Variants in CCDC170 observed in about 807,000 individuals in gnomAD.
CCDC170 encodes the protein coiled-coil domain-containing protein 170.
Under a neutral mutation model 72.6 loss-of-function variants are expected in CCDC170, and 69 were observed. That is an observed-to-expected ratio of 0.95 (90% CI 0.78 to 1.16). The LOEUF is 1.16. Among genes scored for constraint, CCDC170 ranks in the 50% most tolerant of loss-of-function variants. The pLI, the probability that CCDC170 is intolerant of heterozygous loss-of-function variation, is 0.00. For synonymous variants in CCDC170, 300 were observed against 303.9 expected (o/e 0.99, Z 0.13); for missense variants, 852 against 832.5 (o/e 1.02, Z -0.29).
intron 6 of CCDC170, among the ~76,000 whole-genome samples, chr6:151,581,065 T>A (rs1252953718): frequency 1.3e-5 from 2 of 152,212 alleles, no homozygotes; most frequent in African/African-American, 4.8e-5. Context: ...TGGAGGGTTT[T>A]GCTGTAATGT....
chr6:151,554,910 G>A (rs1207749801), intron 5 of CCDC170, among the ~76,000 whole-genome samples: 3 of 113,774 alleles, frequency 2.6e-5, no homozygotes, highest in African/African-American at 3.5e-5. Context: ...ACAGAGTCTC[G>A]CTCTATTGCC....
intron 4 of CCDC170, among the ~76,000 whole-genome samples, chr6:151,547,502 A>T (rs1782794816): frequency 6.6e-6 from 1 of 152,044 alleles, no homozygotes; most frequent in Non-Finnish European, 1.5e-5. Flanking sequence ...AGATCATGCA[A>T]ATGTGAGGAA....
At chr6:151,599,553 C>T (rs1776673290) in intron 9 of CCDC170, among the ~76,000 whole-genome samples, 1 of 152,154 alleles carries the variant, frequency 6.6e-6, no homozygotes, top group Non-Finnish European at 1.5e-5. Flanking sequence ...GGCTGGATCA[C>T]ATGGAGCCTT....
Position 151,518,216 on chromosome 6 carries a change from G to A in CCDC170, c.58-18102G>A, listed in dbSNP as rs556396143. Reference sequence around the variant, plus strand: ...TTAATGCTTCTGGGTGGACCAGGCTGAGATGGAGTGTTGCAAGCTATCTTT... The same window carrying A: ...TTAATGCTTCTGGGTGGACCAGGCTAAGATGGAGTGTTGCAAGCTATCTTT... On this transcript the variant is annotated intron_variant, in intron 1 of 10. Coordinates refer to ENST00000239374, the MANE Select transcript of CCDC170 (RefSeq NM_025059.4). 7.9e-5 allele frequency among the ~76,000 whole-genome samples: 12 copies of A among 152,274 alleles called. No homozygotes were observed. In the East Asian group the frequency reaches 1.9e-3, roughly 25 times the overall value.
Position 151,615,726 on chromosome 6 carries a change from C to T in CCDC170, c.1947+47C>T, listed in dbSNP as rs770972495. 9.8e-6 allele frequency: 13 copies of T among 1,321,698 alleles called. No individual in the cohort carries two copies. The Admixed American group carries it at 2.0e-4, about 20-fold the overall frequency. The allele number at this position is 1,321,698 out of a possible 1,614,324, so 81.9% of individuals were successfully genotyped here. On this transcript the variant is annotated intron_variant, in intron 10 of 10. Coordinates refer to ENST00000239374, the MANE Select transcript of CCDC170 (RefSeq NM_025059.4). ...AAACCTTGTTTAGGAAATGACAGGA[C>T]AATTCAAGAGCTTGATATTAATACT... is the stretch of plus-strand genomic sequence containing the variant.
intron 1 of CCDC170, among the ~76,000 whole-genome samples, chr6:151,517,902 C>T (rs1419045665): frequency 6.6e-6 from 1 of 151,524 alleles, no homozygotes; most frequent in African/African-American, 2.4e-5. Flanking sequence ...TTTAATTTTT[C>T]TTTACGGCCA....
At chr6:151,511,755 G>A (rs1365566389) in intron 1 of CCDC170, among the ~76,000 whole-genome samples, 1 of 152,186 alleles carries the variant, frequency 6.6e-6, no homozygotes, top group Non-Finnish European at 1.5e-5. Flanking sequence ...AGAGGTCCAA[G>A]AAGATAAGAT....
chr6:151,541,742 C>T (rs1486838528), intron 3 of CCDC170, among the ~76,000 whole-genome samples: 1 of 149,262 alleles, frequency 6.7e-6, no homozygotes, highest in Non-Finnish European at 1.5e-5. Context: ...TTTTATTGAA[C>T]AGATTTTTCA....
At chr6:151,517,451 T>G (rs1392698037) in intron 1 of CCDC170, among the ~76,000 whole-genome samples, 2 of 149,102 alleles carry the variant, frequency 1.3e-5, no homozygotes, top group African/African-American at 5.0e-5. Context: ...TTTTTTTTTT[T>G]GAGATGGAGT....
At chr6:151,588,987 C>T (rs1042024543) in intron 7 of CCDC170, among the ~76,000 whole-genome samples, 4 of 151,860 alleles carry the variant, frequency 2.6e-5, no homozygotes, top group African/African-American at 9.7e-5. Context: ...GATGTGGTGG[C>T]TCATGCCTAT....
chr6:151,563,571 G>A (rs1015643906), intron 5 of CCDC170, among the ~76,000 whole-genome samples: 1 of 152,156 alleles, frequency 6.6e-6, no homozygotes, highest in Non-Finnish European at 1.5e-5. Flanking sequence ...CTCAAGGTTG[G>A]AGAGTCCCTG....
intron 5 of CCDC170, among the ~76,000 whole-genome samples, chr6:151,572,190 T>C (rs529864984): frequency 6.6e-6 from 1 of 152,308 alleles, no homozygotes; most frequent in East Asian, 1.9e-4. Context: ...CTAAGTATGA[T>C]ACTTTCCCTC....
At position 151,615,634 on chromosome 6, in the gene CCDC170, G is replaced by T; in HGVS notation, c.1902G>T (p.Lys634Asn). 6.2e-7 allele frequency: 1 copy of T among 1,614,026 alleles called. No individual in the cohort carries two copies. Among genetic ancestry groups the T allele is most frequent in the South Asian group, 1.1e-5 (1 of 91,052 alleles). Residue 634 changes from lysine to asparagine, a missense_variant, in exon 10 of 11, where the codon AAG becomes AAT. Lys to Asn is a moderately conservative substitution (Grantham distance 94). Coordinates refer to ENST00000239374, the MANE Select transcript of CCDC170 (RefSeq NM_025059.4). ...TAGAAGTGGTAACCAGTGAAATGAAGACACTAAAAAAATCTCTGGAAGAAG... is the reference window on the plus strand; with the variant it reads ...TAGAAGTGGTAACCAGTGAAATGAATACACTAAAAAAATCTCTGGAAGAAG... ...NMIEVVTSEM[K>N]TLKKSLEEAE...
At chr6:151,532,930 C>T (rs567207068) in intron 1 of CCDC170, among the ~76,000 whole-genome samples, 6 of 152,340 alleles carry the variant, frequency 3.9e-5, no homozygotes, top group African/African-American at 7.2e-5. Context: ...CTGTAGGCAT[C>T]GCTGCTTTCT....
At chr6:151,554,493 G>A (rs1323596571) in intron 5 of CCDC170, among the ~76,000 whole-genome samples, 4 of 152,134 alleles carry the variant, frequency 2.6e-5, no homozygotes, top group Non-Finnish European at 4.4e-5. Flanking sequence ...GGGAGGCCAA[G>A]GCAAGCGGAT....
chr6:151,583,896 C>T (rs895396136), intron 6 of CCDC170, among the ~76,000 whole-genome samples: 10 of 152,148 alleles, frequency 6.6e-5, no homozygotes, highest in African/African-American at 1.4e-4. Flanking sequence ...AAAGTCAGAA[C>T]GTACACATGT....
chr6:151,514,064 T>C (rs950390569), intron 1 of CCDC170, among the ~76,000 whole-genome samples: 8 of 151,418 alleles, frequency 5.3e-5, no homozygotes, highest in African/African-American at 1.9e-4. Flanking sequence ...AAGATGAGCA[T>C]GTGGGCAGGA....
chr6:151,583,840 A>C (rs993406922), intron 6 of CCDC170, among the ~76,000 whole-genome samples: 3 of 152,202 alleles, frequency 2.0e-5, no homozygotes, highest in Non-Finnish European at 4.4e-5. Flanking sequence ...TGTCTCAGGA[A>C]ATAGGGAGGC....
At chr6:151,583,085 C>T (rs1018387612) in intron 6 of CCDC170, among the ~76,000 whole-genome samples, 12 of 150,888 alleles carry the variant, frequency 8.0e-5, no homozygotes, top group Middle Eastern at 3.4e-3. Flanking sequence ...CTCTGCCTCC[C>T]GGGTTAAAGT....
Sources: allele counts gnomAD v4.1 joint callset (sites outside exome capture counted in the v4.1 genomes callset), GRCh38; gene constraint gnomAD v4.1.1; transcripts MANE v1.5; gene names NCBI Gene and HGNC (gene_info 2026-07-23, HGNC 2026-07-21).